Variants in XKR9 observed in about 807,000 individuals in gnomAD.
XKR9 encodes the protein XK-related protein 9.
Under a neutral mutation model 32.0 loss-of-function variants are expected in XKR9, and 32 were observed. The observed-to-expected ratio is 1.00, with a 90% confidence interval of 0.76 to 1.34. XKR9 has a LOEUF of 1.34. Among genes scored for constraint, XKR9 ranks in the 40% most tolerant of loss-of-function variants. XKR9 has a pLI of 0.00. For missense variants in XKR9, 546 were observed against 429.7 expected, an observed-to-expected ratio of 1.27 and a Z score of -2.39; for synonymous variants, 168 against 143.4, an observed-to-expected ratio of 1.17 and a Z score of -1.22.
At chr8:70,959,603 T>C in the XKR9 span, among the ~76,000 whole-genome samples, 13 of 152,240 alleles carry the variant, frequency 8.5e-5, no homozygotes, top group African/African-American at 2.7e-4. Context: ...TGCTGACTTA[T>C]GCATTTTAGC....
chr8:71,017,581 T>C, the XKR9 span, among the ~76,000 whole-genome samples: 5 of 152,302 alleles, frequency 3.3e-5, no homozygotes, highest in African/African-American at 9.6e-5. Flanking sequence ...CATTCTCAAC[T>C]CTAAGGGGTG....
chr8:70,733,753 A>G (rs199905563), intron 4 of XKR9, 43 bp from the exon 5 acceptor site: 5 of 1,427,950 alleles, frequency 3.5e-6, no homozygotes, highest in East Asian at 2.5e-5. Flanking sequence ...TAATATTTCT[A>G]TTATTCCTAT....
At position 70,699,092 on chromosome 8, in the gene XKR9, T is replaced by C. The variant is rs2132155053; in HGVS notation, c.273-7841T>C. ...CCTATGTGTGTCTCTGCACGTGAGA[T>C]GGGTTTCCTGAATACAACACACTGA... is the stretch of plus-strand genomic sequence containing the variant. On this transcript the variant is annotated intron_variant, in intron 3 of 4. Transcript: ENST00000408926. Among the ~76,000 whole-genome samples, 3 of 152,322 alleles carry C rather than the reference T, an allele frequency of 2.0e-5. No individual in the cohort carries two copies. In the South Asian group the frequency reaches 6.2e-4, roughly 32 times the overall value.
chr8:70,672,754 T>C (rs1818756719), intron 1 of XKR9, among the ~76,000 whole-genome samples: 1 of 152,094 alleles, frequency 6.6e-6, no homozygotes, highest in South Asian at 2.1e-4. Context: ...ATAACAGCTA[T>C]TCTAACTGGG....
intron 4 of XKR9, among the ~76,000 whole-genome samples, chr8:70,722,825 A>C (rs1250633384): frequency 6.6e-6 from 1 of 152,084 alleles, no homozygotes; most frequent in Non-Finnish European, 1.5e-5. Flanking sequence ...GTATTTCCCG[A>C]ATTTGAATGT....
At chr8:70,998,405 C>G in the XKR9 span, among the ~76,000 whole-genome samples, 1 of 152,156 alleles carries the variant, frequency 6.6e-6, no homozygotes, top group Admixed American at 6.5e-5. Context: ...TAGGGACTAT[C>G]CTTTTAGGCC....
chr8:70,849,440 A>G, the XKR9 span, among the ~76,000 whole-genome samples: 2 of 152,228 alleles, frequency 1.3e-5, no homozygotes, highest in African/African-American at 4.8e-5. Flanking sequence ...ACAATGTACC[A>G]GAATCTGTGG....
At chr8:70,751,387 C>T (rs1267981751) in intron 2 of XKR9, among the ~76,000 whole-genome samples, 1 of 152,132 alleles carries the variant, frequency 6.6e-6, no homozygotes, top group African/African-American at 2.4e-5. Flanking sequence ...ACTCAGCCTC[C>T]CAAATTTCTG....
chr8:71,036,229 T>A, the XKR9 span, among the ~76,000 whole-genome samples: 2 of 152,210 alleles, frequency 1.3e-5, no homozygotes, highest in Admixed American at 1.3e-4. Flanking sequence ...ACCTTTTCTA[T>A]CTTATGGCCT....
At chr8:70,856,006 T>C in the XKR9 span, among the ~76,000 whole-genome samples, 1 of 152,078 alleles carries the variant, frequency 6.6e-6, no homozygotes, top group African/African-American at 2.4e-5. Flanking sequence ...ACAACTGGTA[T>C]CAGCCACTGC....
chr8:71,034,100 G>C, the XKR9 span, among the ~76,000 whole-genome samples: 1 of 152,154 alleles, frequency 6.6e-6, no homozygotes, highest in Non-Finnish European at 1.5e-5. Context: ...TCTGAGGCTA[G>C]GTCATAAAGT....
the XKR9 span, among the ~76,000 whole-genome samples, chr8:71,047,160 T>A: frequency 3.3e-5 from 5 of 152,332 alleles, no homozygotes; most frequent in South Asian, 8.3e-4. Context: ...TGCAAACACA[T>A]CATTAACAGG....
At chr8:71,033,847 G>C in the XKR9 span, among the ~76,000 whole-genome samples, 3 of 152,156 alleles carry the variant, frequency 2.0e-5, no homozygotes, top group Non-Finnish European at 4.4e-5. Flanking sequence ...AGAATTGTGA[G>C]CCAAATAAAC....
At chr8:70,799,180 G>A in the XKR9 span, among the ~76,000 whole-genome samples, 1 of 151,958 alleles carries the variant, frequency 6.6e-6, no homozygotes, top group African/African-American at 2.4e-5. Context: ...CCTATCCATG[G>A]GCATGGAATG....
At chr8:70,831,143 T>C in the XKR9 span, among the ~76,000 whole-genome samples, 2 of 151,938 alleles carry the variant, frequency 1.3e-5, no homozygotes, top group African/African-American at 2.4e-5. Flanking sequence ...ATACGAAAAT[T>C]AGCCGGATGT....
At chr8:70,758,268 A>G (rs1255224416) in intron 2 of XKR9, among the ~76,000 whole-genome samples, 2 of 150,890 alleles carry the variant, frequency 1.3e-5, no homozygotes, top group Non-Finnish European at 3.0e-5. Flanking sequence ...TGACGGCAGC[A>G]CCAGTAGGTC....
the XKR9 span, among the ~76,000 whole-genome samples, chr8:70,828,145 C>T: frequency 8.5e-5 from 13 of 152,218 alleles, no homozygotes; most frequent in East Asian, 1.4e-3. Flanking sequence ...GGCTGCCTGG[C>T]GTTTTTCTTT....
chr8:70,899,997 T>G, the XKR9 span, among the ~76,000 whole-genome samples: 1 of 152,198 alleles, frequency 6.6e-6, no homozygotes, highest in Non-Finnish European at 1.5e-5. Flanking sequence ...AAATGTACAC[T>G]TCTATGAACA....
the XKR9 span, among the ~76,000 whole-genome samples, chr8:70,962,467 T>G: frequency 1.3e-5 from 2 of 152,192 alleles, no homozygotes; most frequent in African/African-American, 2.4e-5. Context: ...GGTATTTGGT[T>G]TTCTGTTCCT....
Sources: allele counts gnomAD v4.1 joint callset (sites outside exome capture counted in the v4.1 genomes callset), GRCh38; gene constraint gnomAD v4.1.1; transcripts MANE v1.5; gene names NCBI Gene and HGNC (gene_info 2026-07-23, HGNC 2026-07-21).